Variants in RBMS3 observed in about 807,000 individuals in gnomAD.
RBMS3 encodes the protein RNA binding motif single stranded interacting protein 3, also known as RNA-binding motif, single-stranded-interacting protein 3.
In RBMS3, 27 loss-of-function variants were observed where a neutral mutation model predicts 66.8. That is an observed-to-expected ratio of 0.40 (90% CI 0.30 to 0.56). RBMS3 has a LOEUF of 0.56. RBMS3 is among the 20% of genes least tolerant of loss of function. The pLI is 0.40. For missense variants in RBMS3, 513 were observed against 549.5 expected, an observed-to-expected ratio of 0.93 and a Z score of 0.66; for synonymous variants, 188 against 183.0, an observed-to-expected ratio of 1.03 and a Z score of -0.22.
At chr3:30,001,830 T>C (rs113622586) in intron 14 of RBMS3, among the ~76,000 whole-genome samples, 5 of 151,938 alleles carry the variant, frequency 3.3e-5, no homozygotes, top group African/African-American at 1.2e-4. Context: ...TTCTAAAATG[T>C]CCAACTTAAA....
At chr3:29,318,246 AAGTTGG>A (rs2034805763) in intron 1 of RBMS3, among the ~76,000 whole-genome samples, 1 of 151,806 alleles carries the variant, frequency 6.6e-6, no homozygotes, top group South Asian at 2.1e-4. Flanking sequence ...TTTGTGGGCT[AAGTTGG>A]TTTACTTCTT....
intron 4 of RBMS3, among the ~76,000 whole-genome samples, chr3:29,733,337 G>C (rs1447468001): frequency 6.6e-6 from 1 of 150,588 alleles, no homozygotes; most frequent in Non-Finnish European, 1.5e-5. Context: ...AATCATGGAG[G>C]TGCACGTATC....
intron 4 of RBMS3, among the ~76,000 whole-genome samples, chr3:29,660,633 G>GT (rs1395749046): frequency 6.6e-6 from 1 of 151,892 alleles, no homozygotes; most frequent in Non-Finnish European, 1.5e-5. Flanking sequence ...CTTCCTTTTG[G>GT]TTTTTTGAAT....
At chr3:29,923,924 T>A (rs1311743893) in intron 10 of RBMS3, among the ~76,000 whole-genome samples, 3 of 152,230 alleles carry the variant, frequency 2.0e-5, no homozygotes. Context: ...CTATTTTTGA[T>A]GTAATTATAA....
At chr3:29,614,573 T>C (rs1000984349) in intron 4 of RBMS3, 2 of 152,140 alleles carry the variant, frequency 1.3e-5, no homozygotes, top group Admixed American at 1.3e-4. Flanking sequence ...AAAATAAAAA[T>C]TTATTAAGTT....
chr3:29,936,008 C>A, intron 10 of RBMS3, 78 bp from the exon 11 acceptor site: 2 of 1,176,704 alleles, frequency 1.7e-6, no homozygotes, highest in Non-Finnish European at 2.4e-6. Context: ...CACACATTTA[C>A]AATTTACAGT....
chr3:29,758,661 TGAG>T (rs900875865), intron 5 of RBMS3, among the ~76,000 whole-genome samples: 1 of 152,156 alleles, frequency 6.6e-6, no homozygotes, highest in Non-Finnish European at 1.5e-5. Context: ...TTGCAAAAAC[TGAG>T]AAGAAAATTC....
intron 14 of RBMS3, among the ~76,000 whole-genome samples, chr3:29,999,866 A>G (rs1259561983): frequency 6.6e-6 from 1 of 152,068 alleles, no homozygotes; most frequent in African/African-American, 2.4e-5. Flanking sequence ...TATGTAACAA[A>G]CCTGCACATT....
At chr3:29,642,562 C>T (rs1243232631) in intron 4 of RBMS3, 4 of 152,090 alleles carry the variant, frequency 2.6e-5, no homozygotes, top group Admixed American at 6.6e-5. Context: ...GCTATAACAC[C>T]TGAGGAAACA....
intron 4 of RBMS3, among the ~76,000 whole-genome samples, chr3:29,657,354 A>G (rs1435215752): frequency 2.0e-5 from 3 of 152,268 alleles, no homozygotes; most frequent in African/African-American, 4.8e-5. Context: ...TATATCTCAC[A>G]CTATTTTGAC....
intron 3 of RBMS3, among the ~76,000 whole-genome samples, chr3:29,518,360 G>T (rs9834491): frequency 1.3e-5 from 2 of 152,128 alleles, no homozygotes; most frequent in African/African-American, 4.8e-5. Context: ...ATGGCATTGG[G>T]TACAAAACTA....
intron 4 of RBMS3, among the ~76,000 whole-genome samples, chr3:29,598,140 A>G (rs2149111414): frequency 6.6e-6 from 1 of 152,286 alleles, no homozygotes; most frequent in South Asian, 2.1e-4. Flanking sequence ...AAATATCCAT[A>G]GTTAGACATT....
intron 2 of RBMS3, among the ~76,000 whole-genome samples, chr3:29,452,601 C>A (rs544912328): frequency 6.6e-6 from 1 of 152,234 alleles, no homozygotes; most frequent in South Asian, 2.1e-4. Context: ...AGAATTGAAA[C>A]CAGTCCAGGA....
chr3:29,578,805 T>C (rs1318647447), intron 3 of RBMS3, among the ~76,000 whole-genome samples: 4 of 120,276 alleles, frequency 3.3e-5, no homozygotes, highest in East Asian at 4.5e-4. Flanking sequence ...TTTTTTTTTT[T>C]TTTTTTTGAG....
chr3:29,456,680 A>G (rs2042202513), intron 2 of RBMS3, among the ~76,000 whole-genome samples: 1 of 152,176 alleles, frequency 6.6e-6, no homozygotes, highest in South Asian at 2.1e-4. Flanking sequence ...TATTTCTAAG[A>G]TATTATTCAA....
chr3:29,739,458 G>GAAAAAAAAA (rs56861996), intron 4 of RBMS3, among the ~76,000 whole-genome samples: 1 of 129,622 alleles, frequency 7.7e-6, no homozygotes, highest in Non-Finnish European at 1.6e-5. Flanking sequence ...TCCGTCTCAA[G>GAAAAAAAAA]AAAAAAAAAA....
At chr3:29,552,530 A>G (rs1439879350) in intron 3 of RBMS3, among the ~76,000 whole-genome samples, 1 of 152,210 alleles carries the variant, frequency 6.6e-6, no homozygotes, top group East Asian at 1.9e-4. Context: ...TTTAAAACAC[A>G]CTGAGCATAA....
intron 10 of RBMS3, among the ~76,000 whole-genome samples, chr3:29,900,819 G>A (rs59946412): frequency 1.3e-5 from 2 of 151,732 alleles, no homozygotes; most frequent in Non-Finnish European, 2.9e-5. Flanking sequence ...ATACAAGGAA[G>A]AAGCAGTGCT....
At chr3:29,988,931 G>T (rs1319269242) in intron 13 of RBMS3, among the ~76,000 whole-genome samples, 3 of 152,124 alleles carry the variant, frequency 2.0e-5, no homozygotes, top group Non-Finnish European at 4.4e-5. Context: ...CAAATTTTCT[G>T]CACATTTGAA....
Sources: allele counts gnomAD v4.1 joint callset (sites outside exome capture counted in the v4.1 genomes callset), GRCh38; gene constraint gnomAD v4.1.1; transcripts MANE v1.5; gene names NCBI Gene and HGNC (gene_info 2026-07-23, HGNC 2026-07-21).